Variants in G3BP2 observed in about 807,000 individuals in gnomAD.
G3BP2 encodes G3BP stress granule assembly factor 2.
Under a neutral mutation model 56.7 loss-of-function variants are expected in G3BP2, and 11 were observed. That is an observed-to-expected ratio of 0.19 (90% CI 0.12 to 0.32). The LOEUF (loss-of-function observed/expected upper bound fraction) is 0.32. G3BP2 is among the 10% of genes least tolerant of loss of function. The probability of loss-of-function intolerance (pLI) is 1.00; values close to 1 mark genes in which losing one functional copy is unlikely to be tolerated. For synonymous variants in G3BP2, 165 were observed against 191.6 expected, an observed-to-expected ratio of 0.86 and a Z score of 1.15; for missense variants, 340 against 610.9, an observed-to-expected ratio of 0.56 and a Z score of 4.67.
At chr4:75,699,457 T>G (rs1719245673) in intron 3 of G3BP2, among the ~76,000 whole-genome samples, 1 of 152,186 alleles carries the variant, frequency 6.6e-6, no homozygotes, top group Non-Finnish European at 1.5e-5. Flanking sequence ...TTGGGCAACT[T>G]ATTCAAAATC....
At chr4:75,704,607 C>A (rs1300966414) in intron 3 of G3BP2, among the ~76,000 whole-genome samples, 1 of 151,846 alleles carries the variant, frequency 6.6e-6, no homozygotes, top group Non-Finnish European at 1.5e-5. Flanking sequence ...GTGTGAGCCA[C>A]TGTGATGGCC....
In G3BP2 at chr4:75,697,286, A is replaced by AAAAAAAAT. The variant is rs1719161158; in HGVS notation, c.-25+23590_-25+23591insATTTTTTT. ...GAGACTCTGTCTCAAAAAAAAAAAAAAAAAAAAAAAAAAAAGATCATGAAA... is the reference window on the plus strand; with the variant it reads ...GAGACTCTGTCTCAAAAAAAAAAAAAAAAAAAATAAAAAAAAAAAAAAAGATCATGAAA... On this transcript the variant is annotated intron_variant, in intron 3 of 3. Transcript: ENST00000499709. Among the ~76,000 whole-genome samples, 2 of 142,268 alleles carry AAAAAAAAT rather than the reference A, an allele frequency of 1.4e-5. 1 individual carries two copies. Among genetic ancestry groups the AAAAAAAAT allele is most frequent in the East Asian group, 4.0e-4 (2 of 5,040 alleles). The allele number at this position is 142,268 out of a possible 152,430, so 93.3% of individuals were successfully genotyped here. A position where few individuals can be genotyped will look rare whatever the true frequency, so the allele number is the denominator to read the frequency against.
At chr4:75,688,746 A>G (rs186505699) in intron 3 of G3BP2, among the ~76,000 whole-genome samples, 42 of 152,346 alleles carry the variant, frequency 2.8e-4, no homozygotes, top group Non-Finnish European at 4.9e-4. Flanking sequence ...GATTTCTGTA[A>G]AAACTACTTT....
chr4:75,646,251 A>G (rs1289758347), intron 11 of G3BP2, 87 bp downstream of exon 11: 5 of 684,752 alleles, frequency 7.3e-6, no homozygotes, highest in Non-Finnish European at 1.3e-5. Flanking sequence ...TTATTATTAA[A>G]AGATTTTCTA....
At chr4:75,718,871 A>C (rs1242835205) in intron 3 of G3BP2, among the ~76,000 whole-genome samples, 2 of 152,068 alleles carry the variant, frequency 1.3e-5, no homozygotes, top group African/African-American at 2.4e-5. Flanking sequence ...CCCCGCATGG[A>C]GCTAGAGAAA....
intron 10 of G3BP2, 147 bp from the exon 11 acceptor site, chr4:75,646,603 C>G (rs186644583): frequency 3.2e-6 from 2 of 626,696 alleles, no homozygotes; most frequent in Non-Finnish European, 5.7e-6. Flanking sequence ...AGCCAAGGTA[C>G]GTTTACTCAA....
chr4:75,702,868 G>C (rs1333110102), intron 3 of G3BP2, among the ~76,000 whole-genome samples: 1 of 152,188 alleles, frequency 6.6e-6, no homozygotes, highest in Non-Finnish European at 1.5e-5. Context: ...GAGTCAGTGA[G>C]ACCCTAAAAG....
chr4:75,660,149 G>A (rs1003050599), intron 2 of G3BP2, among the ~76,000 whole-genome samples: 4 of 152,156 alleles, frequency 2.6e-5, no homozygotes, highest in African/African-American at 9.7e-5. Context: ...ACATGATGGT[G>A]TAGGGCCTTA....
intron 3 of G3BP2, among the ~76,000 whole-genome samples, chr4:75,701,832 T>A (rs1012849897): frequency 6.6e-6 from 1 of 152,210 alleles, no homozygotes; most frequent in African/African-American, 2.4e-5. Flanking sequence ...CCCACTGGAA[T>A]ACTCTATAGA....
Position 75,643,843 on chromosome 4 carries a change from T to G in G3BP2, c.*1587A>C, listed in dbSNP as rs1254923747. On this transcript the variant is annotated 3_prime_UTR_variant, in exon 12 of 12. Coordinates refer to ENST00000359707, the MANE Select transcript of G3BP2 (RefSeq NM_203505.3). ...ACATCAGAAACTGGTATGTACTGAC[T>G]GCTCCAAGCATAAAATTGGATAAGC... The G allele has an allele frequency of 6.6e-6, 1 of 152,662 alleles. No homozygotes were observed. Among genetic ancestry groups the G allele is most frequent in the Non-Finnish European group, 1.5e-5 (1 of 68,048 alleles). 9.5% of individuals were successfully genotyped at this position (152,662 alleles called of 1,614,324 possible). A position where few individuals can be genotyped will look rare whatever the true frequency, so the allele number is the denominator to read the frequency against.
At chr4:75,650,663 TTTG>T (rs1255051144) in intron 8 of G3BP2, among the ~76,000 whole-genome samples, 6 of 152,244 alleles carry the variant, frequency 3.9e-5, no homozygotes, top group East Asian at 1.9e-4. Context: ...CTCTCCAGGT[TTTG>T]TTGTTATTTA....
intron 7 of G3BP2, chr4:75,654,777 G>C (rs1328556027): frequency 1.7e-5 from 5 of 285,770 alleles, no homozygotes; most frequent in Non-Finnish European, 2.6e-5. Context: ...CAGAATGAAA[G>C]AACAACTGAC....
In G3BP2 at chr4:75,703,080, G is replaced by A. The variant is rs1328855202; in HGVS notation, c.-25+17797C>T. Among the ~76,000 whole-genome samples, 4 of 152,170 alleles carry A rather than the reference G, an allele frequency of 2.6e-5. No homozygotes were observed. The East Asian group carries it at 5.8e-4, about 22-fold the overall frequency. On this transcript the variant is annotated intron_variant, in intron 3 of 3. Transcript: ENST00000499709. Reference sequence around the variant, plus strand: ...GATGCTAAGTAGGCACTCAGTAAATGCTTACTGAATGCATGAAGAAGGCTC... The same window carrying A: ...GATGCTAAGTAGGCACTCAGTAAATACTTACTGAATGCATGAAGAAGGCTC...
chr4:75,651,996 A>C (rs1387366503), intron 8 of G3BP2, among the ~76,000 whole-genome samples: 2 of 152,242 alleles, frequency 1.3e-5, no homozygotes, highest in Non-Finnish European at 2.9e-5. Context: ...TACTACACAA[A>C]AGTAACAAAC....
intron 1 of G3BP2, among the ~76,000 whole-genome samples, chr4:75,722,480 C>T (rs148732596): frequency 5.5e-4 from 83 of 152,138 alleles, no homozygotes; most frequent in Non-Finnish European, 9.7e-4. Context: ...ACATTTGTGG[C>T]CCACTCCGTC....
At chr4:75,700,781 AT>A (rs1313933868) in intron 3 of G3BP2, among the ~76,000 whole-genome samples, 1 of 151,782 alleles carries the variant, frequency 6.6e-6, no homozygotes, top group Admixed American at 6.6e-5. Flanking sequence ...AAAATACACT[AT>A]TAGTATTTAT....
intron 3 of G3BP2, among the ~76,000 whole-genome samples, chr4:75,687,485 C>CTAT (rs1481844653): frequency 4.6e-5 from 7 of 152,152 alleles, no homozygotes; most frequent in Non-Finnish European, 1.5e-5. Flanking sequence ...TGAAAACAAA[C>CTAT]TAATAGAGGT....
chr4:75,710,088 A>G (rs919374638), intron 3 of G3BP2, among the ~76,000 whole-genome samples: 1 of 152,216 alleles, frequency 6.6e-6, no homozygotes, highest in Admixed American at 6.5e-5. Flanking sequence ...CTGAATGTTA[A>G]TGATACCTTC....
At chr4:75,666,162 C>A (rs962203643) in intron 1 of G3BP2, among the ~76,000 whole-genome samples, 2 of 152,156 alleles carry the variant, frequency 1.3e-5, no homozygotes, top group Non-Finnish European at 2.9e-5. Context: ...CTTCAAATTG[C>A]CCACTATCTA....
Sources: gnomAD v4.1 joint callset for allele counts (sites outside exome capture counted in the v4.1 genomes callset) on GRCh38, gnomAD v4.1.1 for gene constraint, MANE v1.5 for transcripts, NCBI Gene and HGNC (gene_info 2026-07-23, HGNC 2026-07-21) for gene names.